The following MALRD1 variants were observed in gnomAD, a reference collection of about 807,000 sequenced individuals.
MALRD1 encodes the protein MAM and LDL receptor class A domain containing 1.
In MALRD1, 247 loss-of-function variants were observed where a neutral mutation model predicts 242.1. The ratio of observed to expected loss-of-function variants is 1.02; its 90% CI spans 0.92 to 1.13. The LOEUF is 1.13. Ranked by LOEUF, MALRD1 falls within the 50% of genes most tolerant of loss-of-function variation. The pLI, the probability that MALRD1 is intolerant of heterozygous loss-of-function variation, is 0.00. For synonymous variants in MALRD1, 995 were observed against 866.6 expected (o/e 1.15, Z -2.60); for missense variants, 2,989 against 2,533.1 (o/e 1.18, Z -3.86).
At chr10:19,330,463 G>T (rs904549238) in intron 23 of MALRD1, among the ~76,000 whole-genome samples, 2 of 152,118 alleles carry the variant, frequency 1.3e-5, no homozygotes, top group African/African-American at 4.8e-5. Context: ...AAGTAAAACT[G>T]TCCTTGTTAA....
At chr10:19,695,230 A>T (rs1034346722) in intron 38 of MALRD1, among the ~76,000 whole-genome samples, 1 of 152,138 alleles carries the variant, frequency 6.6e-6, no homozygotes, top group Non-Finnish European at 1.5e-5. Flanking sequence ...TAAAAACTAT[A>T]TAAATATATA....
At chr10:19,699,715 A>T (rs1833535951) in intron 38 of MALRD1, among the ~76,000 whole-genome samples, 1 of 152,100 alleles carries the variant, frequency 6.6e-6, no homozygotes, top group African/African-American at 2.4e-5. Context: ...TCATGGCAGA[A>T]GGCAAGGCAG....
At chr10:19,441,560 G>A (rs977485448) in intron 28 of MALRD1, among the ~76,000 whole-genome samples, 6 of 152,266 alleles carry the variant, frequency 3.9e-5, no homozygotes, top group African/African-American at 1.4e-4. Context: ...TCTACATATG[G>A]CTAGCCAGTT....
chr10:19,562,392 G>A (rs572064940), intron 32 of MALRD1, among the ~76,000 whole-genome samples: 1 of 152,176 alleles, frequency 6.6e-6, no homozygotes, highest in Admixed American at 6.5e-5. Context: ...TGAGACTTCT[G>A]GAAGTAAAAC....
At chr10:19,670,694 G>C (rs1043289802) in intron 36 of MALRD1, among the ~76,000 whole-genome samples, 1 of 152,120 alleles carries the variant, frequency 6.6e-6, no homozygotes, top group Non-Finnish European at 1.5e-5. Flanking sequence ...CAACAACCTA[G>C]TTACTTATAT....
intron 14 of MALRD1, among the ~76,000 whole-genome samples, chr10:19,188,045 T>A (rs1283539923): frequency 6.6e-6 from 1 of 152,176 alleles, no homozygotes; most frequent in Non-Finnish European, 1.5e-5. Context: ...ATTATGTGCA[T>A]CCAAGGTTGA....
intron 36 of MALRD1, among the ~76,000 whole-genome samples, chr10:19,637,089 C>G (rs1240164802): frequency 6.6e-6 from 1 of 151,992 alleles, no homozygotes; most frequent in Admixed American, 6.6e-5. Flanking sequence ...AAAAAGTCAT[C>G]CTATTAAATG....
At chr10:19,106,598 T>C (rs919320935) in intron 5 of MALRD1, among the ~76,000 whole-genome samples, 2 of 151,894 alleles carry the variant, frequency 1.3e-5, no homozygotes, top group African/African-American at 4.8e-5. Flanking sequence ...TGCTTTGTTG[T>C]CTTTGGTATT....
At chr10:19,238,415 A>G (rs1279214091) in intron 18 of MALRD1, among the ~76,000 whole-genome samples, 2 of 88,800 alleles carry the variant, frequency 2.3e-5, no homozygotes, top group Non-Finnish European at 4.0e-5. Flanking sequence ...TGTATAATAT[A>G]TAATATACAT....
intron 29 of MALRD1, among the ~76,000 whole-genome samples, chr10:19,456,682 A>C (rs932178314): frequency 1.3e-5 from 2 of 152,200 alleles, no homozygotes; most frequent in African/African-American, 4.8e-5. Context: ...ATGTCAGACA[A>C]GAAAAAGAAG....
chr10:19,422,516 T>G (rs903845227), intron 28 of MALRD1, among the ~76,000 whole-genome samples: 1 of 152,184 alleles, frequency 6.6e-6, no homozygotes, highest in African/African-American at 2.4e-5. Flanking sequence ...ATTATTACTC[T>G]GTATTGTTTG....
chr10:19,550,183 C>T (rs1401034383), intron 32 of MALRD1, among the ~76,000 whole-genome samples: 1 of 152,020 alleles, frequency 6.6e-6, no homozygotes, highest in Non-Finnish European at 1.5e-5. Flanking sequence ...TTATTTCATC[C>T]TAATTCTGAT....
chr10:19,489,797 A>C (rs1252569049), intron 29 of MALRD1, among the ~76,000 whole-genome samples: 1 of 152,120 alleles, frequency 6.6e-6, no homozygotes, highest in African/African-American at 2.4e-5. Flanking sequence ...TTCTATTCCC[A>C]TGTTGTTTTG....
chr10:19,446,179 G>T (rs58691172), intron 28 of MALRD1, among the ~76,000 whole-genome samples: 3 of 94,156 alleles, frequency 3.2e-5, no homozygotes, highest in African/African-American at 9.8e-5. Flanking sequence ...TCCATGTACC[G>T]TCTGTCATGG....
intron 26 of MALRD1, among the ~76,000 whole-genome samples, chr10:19,361,203 T>A (rs1238148529): frequency 2.0e-5 from 3 of 152,166 alleles, no homozygotes; most frequent in Non-Finnish European, 2.9e-5. Flanking sequence ...ATTTTGCCAA[T>A]GGAATGTGAA....
chr10:19,207,834 A>C (rs1009785405), intron 17 of MALRD1, among the ~76,000 whole-genome samples: 1 of 152,150 alleles, frequency 6.6e-6, no homozygotes, highest in Non-Finnish European at 1.5e-5. Context: ...TAGGCATTGT[A>C]AGAGATTAAC....
intron 39 of MALRD1, 101 bp downstream of exon 39, chr10:19,730,882 ACAT>A: frequency 1.9e-6 from 2 of 1,077,166 alleles, no homozygotes; most frequent in African/African-American, 1.6e-5. Context: ...TCATGTTTCT[ACAT>A]CATAACTAAA....
chr10:19,288,463 T>C (rs1841247212), intron 21 of MALRD1, among the ~76,000 whole-genome samples: 2 of 152,092 alleles, frequency 1.3e-5, no homozygotes, highest in South Asian at 4.1e-4. Context: ...CCCAGCAAAG[T>C]ATTCATCCTT....
At chr10:19,053,517 C>T (rs965014667) in intron 1 of MALRD1, among the ~76,000 whole-genome samples, 3 of 152,182 alleles carry the variant, frequency 2.0e-5, no homozygotes, top group African/African-American at 7.2e-5. Flanking sequence ...TTCGTCTTTC[C>T]ACTTTCTGTT....
Sources: allele counts gnomAD v4.1 joint callset (sites outside exome capture counted in the v4.1 genomes callset), GRCh38; gene constraint gnomAD v4.1.1; transcripts MANE v1.5; gene names NCBI Gene and HGNC (gene_info 2026-07-23, HGNC 2026-07-21).